GAN: variants seen among roughly 807,000 people sequenced by gnomAD.
The protein encoded by GAN is epididymis secretory sperm binding protein.
A neutral mutation model predicts 71.3 loss-of-function variants in GAN; 48 were observed. That is an observed-to-expected ratio of 0.67 (90% CI 0.53 to 0.86). GAN has a LOEUF of 0.86. Ranked by LOEUF, GAN falls within the 40% of genes least tolerant of loss-of-function variation. The probability of loss-of-function intolerance (pLI) is 0.00; values close to 1 mark genes in which losing one functional copy is unlikely to be tolerated. For missense variants in GAN, 928 were observed against 770.1 expected, an observed-to-expected ratio of 1.21 and a Z score of -2.43; for synonymous variants, 386 against 276.8, an observed-to-expected ratio of 1.39 and a Z score of -3.92.
intron 1 of GAN, among the ~76,000 whole-genome samples, chr16:81,331,293 A>G (rs905048989): frequency 2.0e-5 from 3 of 152,220 alleles, no homozygotes; most frequent in Non-Finnish European, 4.4e-5. Flanking sequence ...AAAGACAAGG[A>G]AGGAAGGACA....
At chr16:81,335,496 C>G (rs1203009975) in intron 1 of GAN, among the ~76,000 whole-genome samples, 3 of 151,930 alleles carry the variant, frequency 2.0e-5, no homozygotes, top group African/African-American at 7.3e-5. Flanking sequence ...CCTGTAATCC[C>G]AACACTTTGG....
chr16:81,335,429 C>T (rs1199212528), intron 1 of GAN, among the ~76,000 whole-genome samples: 1 of 152,034 alleles, frequency 6.6e-6, no homozygotes, highest in African/African-American at 2.4e-5. Context: ...CCAGCCTGGG[C>T]AACATGGTGA....
intron 1 of GAN, among the ~76,000 whole-genome samples, chr16:81,348,575 A>C (rs1910197880): frequency 6.6e-6 from 1 of 152,246 alleles, no homozygotes; most frequent in Non-Finnish European, 1.5e-5. Flanking sequence ...GTAGCTGAGC[A>C]GCATCTCCAA....
intron 1 of GAN, among the ~76,000 whole-genome samples, chr16:81,332,674 A>C (rs1266108712): frequency 2.0e-5 from 3 of 152,172 alleles, no homozygotes. Flanking sequence ...ATGTCTCCTT[A>C]GTCTCCAGTG....
At chr16:81,321,716 A>T (rs1289296790) in intron 1 of GAN, among the ~76,000 whole-genome samples, 1 of 152,236 alleles carries the variant, frequency 6.6e-6, no homozygotes, top group East Asian at 1.9e-4. Flanking sequence ...GGGTTGCATC[A>T]TCCTTCTGAA....
intron 9 of GAN, among the ~76,000 whole-genome samples, chr16:81,369,899 A>T (rs1183279662): frequency 1.3e-5 from 2 of 152,234 alleles, no homozygotes; most frequent in Non-Finnish European, 2.9e-5. Context: ...GCACACAGAG[A>T]AAGTTTTCAT....
rs1309686305 is a variant in GAN at position 81,381,772 on chromosome 16, A to C, written c.*4176A>C. On this transcript the variant is annotated 3_prime_UTR_variant, in exon 11 of 11. Coordinates refer to ENST00000648994, the MANE Select transcript of GAN (RefSeq NM_022041.4). ...AATAAATATAAGATTCTTGTGATCA[A>C]AGTAATGTTCTTCTGTTGAAAAGGG... The C allele has an allele frequency of 6.6e-6, 1 of 152,230 alleles. No individual in the cohort carries two copies. Among genetic ancestry groups the C allele is most frequent in the Non-Finnish European group, 1.5e-5 (1 of 68,042 alleles). The allele number at this position is 152,230 out of a possible 1,614,324, so 9.4% of individuals were successfully genotyped here.
At chr16:81,319,390 G>A (rs772886182) in intron 1 of GAN, among the ~76,000 whole-genome samples, 15 of 151,582 alleles carry the variant, frequency 9.9e-5, no homozygotes, top group African/African-American at 3.4e-4. Flanking sequence ...TCATGTCTGA[G>A]GCTCTTCCGA....
At chr16:81,356,109 G>A (rs2150686522) in intron 3 of GAN, among the ~76,000 whole-genome samples, 2 of 152,326 alleles carry the variant, frequency 1.3e-5, no homozygotes, top group South Asian at 2.1e-4. Context: ...CTGGGAAAAC[G>A]AGGCAGTTCT....
intron 9 of GAN, among the ~76,000 whole-genome samples, chr16:81,370,136 A>G (rs772646795): frequency 1.3e-5 from 2 of 152,220 alleles, no homozygotes; most frequent in Admixed American, 6.5e-5. Context: ...GGCTGTATCA[A>G]CTAATATATA....
At chr16:81,339,187 A>G (rs1394516538) in intron 1 of GAN, among the ~76,000 whole-genome samples, 2 of 152,216 alleles carry the variant, frequency 1.3e-5, no homozygotes, top group Non-Finnish European at 2.9e-5. Context: ...ACATCACCCA[A>G]GAGCTCATTA....
chr16:81,370,369 T>C (rs747597252), intron 9 of GAN, among the ~76,000 whole-genome samples: 2 of 152,212 alleles, frequency 1.3e-5, no homozygotes, highest in Non-Finnish European at 2.9e-5. Context: ...TCCAGTCAAG[T>C]GGCAAAAACC....
At chr16:81,359,583 T>G (rs924723272) in intron 5 of GAN, among the ~76,000 whole-genome samples, 1 of 152,172 alleles carries the variant, frequency 6.6e-6, no homozygotes, top group Non-Finnish European at 1.5e-5. Context: ...GTACCTGTGT[T>G]CTCTTCAGGA....
intron 5 of GAN, among the ~76,000 whole-genome samples, chr16:81,358,970 G>C (rs1410101856): frequency 1.3e-5 from 2 of 152,070 alleles, no homozygotes; most frequent in Non-Finnish European, 2.9e-5. Context: ...TTTCTTTTTA[G>C]AGATGGGATC....
rs2290948 is a variant in GAN, at chr16:81,380,094, T to G, written c.*2498T>G. On this transcript the variant is annotated 3_prime_UTR_variant, in exon 11 of 11. Coordinates refer to ENST00000648994, the MANE Select transcript of GAN (RefSeq NM_022041.4). ...TTGTGTTGAAGTATAGGGATGTATTTAATTTTACTATGCTCCAACATTAAT... is the reference window on the plus strand; with the variant it reads ...TTGTGTTGAAGTATAGGGATGTATTGAATTTTACTATGCTCCAACATTAAT... The G allele has an allele frequency of 0.049, 7,469 of 152,710 alleles. 481 individuals are homozygous for G. Among genetic ancestry groups the G allele is most frequent in the East Asian group, 0.28 (1,451 of 5,176 alleles). 9.5% of individuals were successfully genotyped at this position (152,710 alleles called of 1,614,324 possible).
chr16:81,332,400 G>A (rs564974900), intron 1 of GAN, among the ~76,000 whole-genome samples: 1 of 152,142 alleles, frequency 6.6e-6, no homozygotes, highest in Non-Finnish European at 1.5e-5. Flanking sequence ...ACTGGTCCTT[G>A]ACTCATATTT....
rs947316677 is a variant in GAN, at chr16:81,381,203, G to T, written c.*3607G>T. ...GTTTCATTTCTAGAGAAATGTCTTAGCTGCTGTGGTCCATTAGAGTTCCCT... is the reference window on the plus strand; with the variant it reads ...GTTTCATTTCTAGAGAAATGTCTTATCTGCTGTGGTCCATTAGAGTTCCCT... On this transcript the variant is annotated 3_prime_UTR_variant, in exon 11 of 11. Coordinates refer to ENST00000648994, the MANE Select transcript of GAN (RefSeq NM_022041.4). 3 of 152,168 alleles carry T rather than the reference G, an allele frequency of 2.0e-5. No homozygotes were observed. Among genetic ancestry groups the T allele is most frequent in the African/African-American group, 7.2e-5 (3 of 41,430 alleles). 9.4% of individuals were successfully genotyped at this position (152,168 alleles called of 1,614,324 possible).
intron 9 of GAN, among the ~76,000 whole-genome samples, chr16:81,367,714 C>A (rs1910906381): frequency 6.6e-6 from 1 of 152,126 alleles, no homozygotes; most frequent in African/African-American, 2.4e-5. Context: ...ATCTTCAAAA[C>A]AGCACTCTGA....
intron 1 of GAN, among the ~76,000 whole-genome samples, chr16:81,321,103 A>G (rs977720044): frequency 1.2e-4 from 19 of 152,328 alleles, no homozygotes; most frequent in Admixed American, 5.2e-4. Flanking sequence ...CAGTTTAAAG[A>G]TATTTGTTTA....
Sources: allele counts gnomAD v4.1 joint callset (sites outside exome capture counted in the v4.1 genomes callset), GRCh38; gene constraint gnomAD v4.1.1; transcripts MANE v1.5; gene names NCBI Gene and HGNC (gene_info 2026-07-23, HGNC 2026-07-21).